Variants in CWC25 observed in about 807,000 individuals in gnomAD.
CWC25 encodes CWC25 spliceosome associated protein.
In CWC25, 31 loss-of-function variants were observed where a neutral mutation model predicts 54.6. That is an observed-to-expected ratio of 0.57 (90% CI 0.43 to 0.77). The LOEUF (loss-of-function observed/expected upper bound fraction) is 0.77. CWC25 is among the 30% of genes least tolerant of loss of function. CWC25 has a pLI of 0.00. For missense variants in CWC25, 453 were observed against 529.3 expected (o/e 0.86, Z 1.41); for synonymous variants, 151 against 187.0 (o/e 0.81, Z 1.57).
intron 1 of CWC25, 89 bp downstream of exon 1, chr17:38,825,077 A>G: frequency 8.2e-7 from 1 of 1,220,490 alleles, no homozygotes; most frequent in East Asian, 2.8e-5. Context: ...CTGCGTTGCC[A>G]TGGTTATCCA....
intron 3 of CWC25, among the ~76,000 whole-genome samples, chr17:38,814,386 TTC>T (rs1911612742): frequency 6.6e-6 from 1 of 150,690 alleles, no homozygotes; most frequent in South Asian, 2.1e-4. Flanking sequence ...GTTCACGCCA[TTC>T]TCCTGCCTCA....
chr17:38,808,946 C>CAAAAAAAAA (rs71138657), intron 6 of CWC25, among the ~76,000 whole-genome samples: 1 of 107,996 alleles, frequency 9.3e-6, no homozygotes, highest in Non-Finnish European at 2.0e-5. Context: ...AACTCCACCT[C>CAAAAAAAAA]AAAAAAAAAA....
intron 4 of CWC25, among the ~76,000 whole-genome samples, chr17:38,812,279 C>T (rs1447603917): frequency 1.3e-5 from 2 of 152,120 alleles, no homozygotes; most frequent in African/African-American, 4.8e-5. Flanking sequence ...CTCCAACCTC[C>T]TGAACACACT....
chr17:38,810,147 T>C (rs575495501), intron 5 of CWC25: 124 of 434,924 alleles, frequency 2.9e-4, no homozygotes, highest in Non-Finnish European at 4.4e-4. Context: ...CACTTCAGTC[T>C]TGAAGGAATC....
At chr17:38,804,604 C>G (rs530649690) in intron 8 of CWC25, among the ~76,000 whole-genome samples, 1 of 152,020 alleles carries the variant, frequency 6.6e-6, no homozygotes, top group Non-Finnish European at 1.5e-5. Context: ...CTCAGGAGTT[C>G]AAGACCAGCC....
At position 38,801,976 on chromosome 17, in the gene CWC25, G is replaced by T; in HGVS notation, c.*116C>A. ...GGACTCAATGAAGCAGGGTCACTTTGAACACTGGTGGTTTGACATCTGTGA... is the reference window on the plus strand; with the variant it reads ...GGACTCAATGAAGCAGGGTCACTTTTAACACTGGTGGTTTGACATCTGTGA... On this transcript the variant is annotated 3_prime_UTR_variant, in exon 10 of 10. Coordinates refer to ENST00000614790, the MANE Select transcript of CWC25 (RefSeq NM_017748.5). 3 of 628,044 alleles carry T rather than the reference G, an allele frequency of 4.8e-6. No individual in the cohort carries two copies. Among genetic ancestry groups the T allele is most frequent in the Non-Finnish European group, 8.4e-6 (3 of 357,746 alleles). The allele number at this position is 628,044 out of a possible 1,614,324, so 38.9% of individuals were successfully genotyped here. A position where few individuals can be genotyped will look rare whatever the true frequency, so the allele number is the denominator to read the frequency against.
chr17:38,808,352 A>T (rs1440940572), intron 6 of CWC25, among the ~76,000 whole-genome samples: 3 of 138,554 alleles, frequency 2.2e-5, no homozygotes, highest in Non-Finnish European at 4.8e-5. Flanking sequence ...ATTGCACTCC[A>T]GCCTGGGCGA....
chr17:38,824,524 T>C (rs1333693416), intron 1 of CWC25, among the ~76,000 whole-genome samples: 1 of 151,898 alleles, frequency 6.6e-6, no homozygotes, highest in African/African-American at 2.4e-5. Flanking sequence ...CTGTCTCTAC[T>C]AAAAATACAA....
chr17:38,815,018 G>A lies in CWC25; in HGVS notation c.271C>T (p.Pro91Ser). Residue 91 changes from proline to serine, a missense_variant, in exon 3 of 10, where the codon CCC becomes TCC. Transcript: ENST00000614790. ...TTCTCAAAAACATATTTGTCAATGG[G>A]GCGCCCCAGCAGGTACTCGTCACGG... ...VNRDEYLLGRPIDKYVFEKME... is the reference protein window; with the variant it reads ...VNRDEYLLGRSIDKYVFEKME... 1.2e-6 allele frequency: 2 copies of A among 1,613,884 alleles called. No homozygotes were observed. Among genetic ancestry groups the A allele is most frequent in the Middle Eastern group, 1.7e-4 (1 of 6,060 alleles).
chr17:38,820,286 T>C (rs978900483), intron 2 of CWC25, among the ~76,000 whole-genome samples: 5 of 152,236 alleles, frequency 3.3e-5, no homozygotes, highest in Non-Finnish European at 7.3e-5. Context: ...ACACTGCATA[T>C]TGTATGCTTT....
At chr17:38,811,236 T>TA (rs917158721) in intron 4 of CWC25, among the ~76,000 whole-genome samples, 21 of 140,540 alleles carry the variant, frequency 1.5e-4, no homozygotes, top group African/African-American at 1.9e-4. Flanking sequence ...TCCATCTCAT[T>TA]AAAAAAAAAC....
Position 38,806,843 on chromosome 17 carries a change from C to G in CWC25, c.824G>C (p.Ser275Thr), listed in dbSNP as rs374342528. The G allele has an allele frequency of 1.4e-5, 23 of 1,613,572 alleles. No homozygotes were observed. Among genetic ancestry groups the G allele is most frequent in the Admixed American group, 1.0e-4 (6 of 59,982 alleles). The change falls in exon 7 of 10, where the codon AGC (serine) becomes ACC (threonine). Residue 275 changes from serine (S) to threonine (T), a missense_variant. Physicochemically the swap from Ser to Thr is moderately conservative, Grantham distance 58 (BLOSUM62 1). Coordinates refer to ENST00000614790, the MANE Select transcript of CWC25 (RefSeq NM_017748.5). ...HSPPRHASKKSTREAGSRDRR... is the reference protein window; with the variant it reads ...HSPPRHASKKTTREAGSRDRR... The stretch of plus-strand genomic sequence containing the variant: ...GTCCCGGGACCCTGCTTCCCTGGTG[C>G]TCTTCTTGCTGGCATGTCTTGGGGG...
intron 6 of CWC25, 114 bp downstream of exon 6, chr17:38,809,588 G>T: frequency 2.3e-6 from 2 of 880,498 alleles, no homozygotes; most frequent in East Asian, 2.6e-5. Flanking sequence ...GATAAGAATG[G>T]GCCTGTTTCC....
intron 3 of CWC25, 36 bp from the exon 4 acceptor site, chr17:38,812,900 CT>C: frequency 8.3e-7 from 1 of 1,202,822 alleles, no homozygotes; most frequent in East Asian, 2.5e-5. Flanking sequence ...ATGACTATTT[CT>C]TTTCTCCAAA....
In CWC25 at chr17:38,806,843, C is replaced by T. The variant is rs374342528; in HGVS notation, c.824G>A (p.Ser275Asn). The change falls in exon 7 of 10, where the codon AGC (serine) becomes AAC (asparagine). Residue 275 changes from serine to asparagine, a missense_variant. This residue lies in a region of CWC25 where 444 missense variants were observed against 499.2 expected (regional missense o/e 0.89). Transcript: ENST00000614790. The stretch of plus-strand genomic sequence containing the variant: ...GTCCCGGGACCCTGCTTCCCTGGTG[C>T]TCTTCTTGCTGGCATGTCTTGGGGG... ...HSPPRHASKK[S>N]TREAGSRDRR... The T allele has an allele frequency of 3.1e-6, 5 of 1,613,690 alleles. No individual in the cohort carries two copies. In the East Asian group the frequency reaches 1.1e-4, roughly 36 times the overall value.
At chr17:38,810,013 T>G (rs1469861717) in intron 5 of CWC25, among the ~76,000 whole-genome samples, 1 of 152,096 alleles carries the variant, frequency 6.6e-6, no homozygotes, top group Non-Finnish European at 1.5e-5. Flanking sequence ...TCCTCTCACT[T>G]CATGCTGCTA....
chr17:38,802,828 C>A lies in CWC25; in HGVS notation c.1035G>T (p.Arg345=), dbSNP rs1222296511. 6.2e-7 allele frequency: 1 copy of A among 1,613,958 alleles called. No homozygotes were observed. The highest frequency in any genetic ancestry group is 8.5e-7 in the Non-Finnish European group (1 of 1,179,878). Residue 345 remains arginine, a synonymous_variant, in exon 9 of 10, where the codon CGG becomes CGT. Transcript: ENST00000614790. ...ATTTGGCGTTTTCCATCATCTCTTG[C>A]CGTTTTCGCTCTAATTCCTCTGCAG... ...KLSAEELERK[R]QEMMENAKWR... is the part of the protein sequence containing the mutation.
At chr17:38,819,363 C>T (rs1158512024) in intron 2 of CWC25, among the ~76,000 whole-genome samples, 1 of 149,888 alleles carries the variant, frequency 6.7e-6, no homozygotes, top group African/African-American at 2.4e-5. Context: ...CCATGCCTGG[C>T]TAATTTTTGG....
At chr17:38,802,234 G>T in intron 9 of CWC25, 28 bp from the exon 10 acceptor site, 1 of 1,480,628 alleles carries the variant, frequency 6.8e-7, no homozygotes, top group Non-Finnish European at 9.4e-7. Context: ...GCAAATGCAA[G>T]TCAAAAACAT....
Sources: gnomAD v4.1 joint callset for allele counts (sites outside exome capture counted in the v4.1 genomes callset) on GRCh38, gnomAD v4.1.1 for gene constraint, gnomAD v4.1.1 regional missense constraint, MANE v1.5 for transcripts, NCBI Gene and HGNC (gene_info 2026-07-23, HGNC 2026-07-21) for gene names.